Variants in SRGAP3 observed in about 807,000 individuals in gnomAD.
The protein encoded by SRGAP3 is SLIT-ROBO Rho GTPase activating protein 3.
A neutral mutation model predicts 121.1 loss-of-function variants in SRGAP3; 39 were observed. The observed-to-expected ratio is 0.32, with a 90% confidence interval of 0.25 to 0.42. The LOEUF is 0.42. Ranked by LOEUF, SRGAP3 falls within the 10% of genes least tolerant of loss-of-function variation. SRGAP3 has a pLI of 1.00. For missense variants in SRGAP3, 1,213 were observed against 1,470.6 expected, an observed-to-expected ratio of 0.82 and a Z score of 2.86; for synonymous variants, 601 against 570.0, an observed-to-expected ratio of 1.05 and a Z score of -0.77.
chr3:9,273,725 C>T (rs1250780921), intron 3 of SRGAP3, among the ~76,000 whole-genome samples: 1 of 151,972 alleles, frequency 6.6e-6, no homozygotes, highest in Non-Finnish European at 1.5e-5. Flanking sequence ...TTAGGTCTTA[C>T]ATTGAAGTCT....
At chr3:9,189,391 A>G (rs1487722107) in intron 1 of SRGAP3, among the ~76,000 whole-genome samples, 2 of 152,182 alleles carry the variant, frequency 1.3e-5, no homozygotes, top group Non-Finnish European at 2.9e-5. Context: ...TCTGGAAGTC[A>G]GTTTTTATCT....
At chr3:9,276,048 C>T (rs71314334) in intron 3 of SRGAP3, among the ~76,000 whole-genome samples, 4,163 of 151,830 alleles carry the variant, frequency 0.027, 112 homozygotes, top group Middle Eastern at 0.045. Context: ...AAAAAAAAGT[C>T]GGAAGGAAGG....
chr3:9,060,195 GGCC>G (rs1303509795), intron 6 of SRGAP3, 33 bp downstream of exon 6: 5 of 1,613,350 alleles, frequency 3.1e-6, no homozygotes, highest in Non-Finnish European at 4.2e-6. Flanking sequence ...CCCTGGTGTG[GGCC>G]CTGCTCAGTC....
At chr3:9,331,060 T>C (rs1955597510) in intron 1 of SRGAP3, among the ~76,000 whole-genome samples, 1 of 152,252 alleles carries the variant, frequency 6.6e-6, no homozygotes, top group South Asian at 2.1e-4. Context: ...TGACAGTAAC[T>C]AAATCTGGGC....
At chr3:9,136,530 C>G (rs1178292532) in intron 1 of SRGAP3, among the ~76,000 whole-genome samples, 1 of 152,204 alleles carries the variant, frequency 6.6e-6, no homozygotes, top group African/African-American at 2.4e-5. Context: ...ACCCTGTAGT[C>G]TCTCCCTCTC....
chr3:9,338,014 C>T (rs1955720116), intron 1 of SRGAP3, among the ~76,000 whole-genome samples: 1 of 152,190 alleles, frequency 6.6e-6, no homozygotes, highest in South Asian at 2.1e-4. Context: ...AAAAGCTACT[C>T]TAAGCCAGTA....
chr3:9,264,686 G>T (rs550461322), intron 3 of SRGAP3, among the ~76,000 whole-genome samples: 1 of 152,244 alleles, frequency 6.6e-6, no homozygotes, highest in African/African-American at 2.4e-5. Flanking sequence ...ACCTCTTCAA[G>T]GAGAACTACA....
chr3:9,271,719 GA>G (rs1288844845), intron 3 of SRGAP3, among the ~76,000 whole-genome samples: 2 of 152,122 alleles, frequency 1.3e-5, no homozygotes, highest in Non-Finnish European at 2.9e-5. Context: ...TTAATAAGAT[GA>G]AAAACCCTAC....
At chr3:9,058,704 TTCTC>T (rs60036837) in intron 6 of SRGAP3, 3 of 513,524 alleles carry the variant, frequency 5.8e-6, no homozygotes, top group South Asian at 2.4e-5. Context: ...TTCACCATCT[TTCTC>T]TCTCTCTTTT....
At chr3:9,079,833 C>T (rs1331651859) in intron 4 of SRGAP3, among the ~76,000 whole-genome samples, 192 bp downstream of exon 4, 1 of 152,220 alleles carries the variant, frequency 6.6e-6, no homozygotes, top group Non-Finnish European at 1.5e-5. Flanking sequence ...CAGGCCCTGC[C>T]CCAGATGTAC....
intron 18 of SRGAP3, chr3:9,007,262 GC>G (rs1231616030): frequency 1.3e-5 from 2 of 152,024 alleles, no homozygotes; most frequent in African/African-American, 4.8e-5. Flanking sequence ...GAGCCACCAC[GC>G]CCAGTTGGTA....
chr3:8,994,853 C>T (rs1431453083), intron 18 of SRGAP3, among the ~76,000 whole-genome samples: 3 of 152,330 alleles, frequency 2.0e-5, no homozygotes, highest in South Asian at 2.1e-4. Context: ...CACCCCTTAA[C>T]ACAAGTTCTA....
chr3:9,310,281 T>C (rs1187490063), intron 3 of SRGAP3, among the ~76,000 whole-genome samples: 3 of 152,138 alleles, frequency 2.0e-5, no homozygotes, highest in African/African-American at 7.2e-5. Context: ...AAAGGTAGAA[T>C]GTCCAATCTA....
At chr3:9,014,183 G>C (rs1943518915) in intron 15 of SRGAP3, 3 of 396,560 alleles carry the variant, frequency 7.6e-6, no homozygotes, top group Non-Finnish European at 1.4e-5. Context: ...TAAGAGTGAA[G>C]CTGGCATAGA....
chr3:9,041,309 T>C (rs1372338732), intron 10 of SRGAP3, among the ~76,000 whole-genome samples: 1 of 152,210 alleles, frequency 6.6e-6, no homozygotes, highest in Non-Finnish European at 1.5e-5. Flanking sequence ...AGAACAGATG[T>C]CCCCAGCAGT....
At chr3:9,223,845 A>T (rs1337031697) in intron 1 of SRGAP3, among the ~76,000 whole-genome samples, 1 of 152,234 alleles carries the variant, frequency 6.6e-6, no homozygotes, top group African/African-American at 2.4e-5. Flanking sequence ...TGTAAGGTTA[A>T]TGGGAAGGGT....
At chr3:9,143,497 C>T (rs1309328696) in intron 1 of SRGAP3, among the ~76,000 whole-genome samples, 3 of 152,178 alleles carry the variant, frequency 2.0e-5, no homozygotes, top group Non-Finnish European at 4.4e-5. Flanking sequence ...GATAAAATGC[C>T]ACTGAATTTT....
chr3:8,999,479 C>G (rs535011343), intron 18 of SRGAP3, among the ~76,000 whole-genome samples: 1 of 152,332 alleles, frequency 6.6e-6, no homozygotes, highest in Admixed American at 6.5e-5. Context: ...GGTCATGAGT[C>G]CTGCCTGCAT....
At chr3:9,208,235 T>A in intron 1 of SRGAP3, among the ~76,000 whole-genome samples, 1 of 151,362 alleles carries the variant, frequency 6.6e-6, no homozygotes, top group Non-Finnish European at 1.5e-5. Context: ...GCCTTCCATA[T>A]CTCCAGTCCT....
Sources: gnomAD v4.1 joint callset for allele counts (sites outside exome capture counted in the v4.1 genomes callset) on GRCh38, gnomAD v4.1.1 for gene constraint, MANE v1.5 for transcripts, NCBI Gene and HGNC (gene_info 2026-07-23, HGNC 2026-07-21) for gene names.